ZC3H11A: variants seen among roughly 807,000 people sequenced by gnomAD.
The protein encoded by ZC3H11A is zinc finger CCCH-type containing 11A.
A neutral mutation model predicts 90.8 loss-of-function variants in ZC3H11A; 22 were observed. The ratio of observed to expected loss-of-function variants is 0.24; its 90% confidence interval spans 0.17 to 0.35. The LOEUF (loss-of-function observed/expected upper bound fraction) is 0.35. ZC3H11A is among the 10% of genes least tolerant of loss of function. ZC3H11A has a pLI of 1.00. For synonymous variants in ZC3H11A, 294 were observed against 339.8 expected, an observed-to-expected ratio of 0.87 and a Z score of 1.48; for missense variants, 701 against 964.9, an observed-to-expected ratio of 0.73 and a Z score of 3.62.
At chr1:203,805,966 G>C in intron 2 of ZC3H11A, 1 of 608,422 alleles carries the variant, frequency 1.6e-6, no homozygotes, top group South Asian at 1.4e-5. Context: ...CGTGGTCTTG[G>C]TATCCTTCAA....
chr1:203,850,380 G>A (rs758997215), intron 15 of ZC3H11A, 135 bp from the exon 16 acceptor site: 158 of 1,369,594 alleles, frequency 1.2e-4, no homozygotes, highest in East Asian at 2.1e-4. Flanking sequence ...CCTTTGAATC[G>A]TTTTCAGTCT....
intron 4 of ZC3H11A, among the ~76,000 whole-genome samples, chr1:203,819,491 G>C (rs1677673545): frequency 6.6e-6 from 1 of 150,490 alleles, no homozygotes; most frequent in Non-Finnish European, 1.5e-5. Context: ...GAAAGTGCTG[G>C]GATTACATGC....
chr1:203,846,946 A>C (rs780564579), intron 12 of ZC3H11A, among the ~76,000 whole-genome samples: 1 of 151,972 alleles, frequency 6.6e-6, no homozygotes, highest in Admixed American at 6.6e-5. Flanking sequence ...CAGAGGTTGC[A>C]GTGAGCTGAG....
rs759681132 is a variant in ZC3H11A at position 203,847,384 on chromosome 1, C to A, written c.1243C>A (p.His415Asn). The stretch of plus-strand genomic sequence containing the variant: ...CTCTGAGGTCCTGGCTGAAAAAAAA[C>A]ATCGGCAGCAGGAAGCAGAGAGACA... The part of the protein sequence containing the change: ...TFSEVLAEKK[H>N]RQQEAERQKS... Residue 415 changes from histidine (H) to asparagine (N), a missense_variant, in exon 13 of 18, where the codon CAT (histidine) becomes AAT (asparagine). His to Asn is a moderately conservative substitution (Grantham distance 68, BLOSUM62 1). Around this residue, in one of 4 missense-constraint regions of ZC3H11A, gnomAD observed 530 missense variants for 696.2 expected, o/e 0.76. Transcript: ENST00000367210. The A allele has an allele frequency of 7.4e-6, 12 of 1,613,860 alleles. No individual in the cohort carries two copies. In the South Asian group the frequency reaches 1.3e-4, roughly 18 times the overall value.
At chr1:203,797,544 G>A in intron 1 of ZC3H11A, 4 of 1,524,790 alleles carry the variant, frequency 2.6e-6, no homozygotes, top group Non-Finnish European at 2.6e-6. Context: ...TACTCTAAGT[G>A]TACCAGTTTC....
intron 4 of ZC3H11A, among the ~76,000 whole-genome samples, chr1:203,822,559 C>T (rs1679138979): frequency 6.6e-6 from 1 of 152,098 alleles, no homozygotes. Flanking sequence ...ACCAGGTTCC[C>T]TTGGGAATAC....
intron 2 of ZC3H11A, among the ~76,000 whole-genome samples, chr1:203,810,076 G>T (rs577232557): frequency 5.0e-4 from 75 of 149,236 alleles, no homozygotes; most frequent in African/African-American, 1.6e-3. Flanking sequence ...TTTTGCATGG[G>T]ATAGTATTGA....
intron 2 of ZC3H11A, among the ~76,000 whole-genome samples, chr1:203,815,379 C>CTTTT (rs397711285): frequency 2.1e-5 from 2 of 96,906 alleles, no homozygotes; most frequent in African/African-American, 8.3e-5. Context: ...CCACACCCAG[C>CTTTT]TTTTTTTTTT....
intron 12 of ZC3H11A, 74 bp downstream of exon 12, chr1:203,840,448 A>G: frequency 6.9e-7 from 1 of 1,445,230 alleles, no homozygotes; most frequent in Admixed American, 2.1e-5. Flanking sequence ...TCTCAGATTT[A>G]CCTGTTGCTT....
At position 203,805,646 on chromosome 1, in the gene ZC3H11A, A is replaced by G. The variant is rs11810904; in HGVS notation, c.-146+2630A>G. The G allele has an allele frequency of 5.9e-4, 414 of 703,290 alleles. 3 individuals carry two copies. In the African/African-American group the frequency reaches 6.3e-3, roughly 11 times the overall value. 43.6% of individuals were successfully genotyped at this position (703,290 alleles called of 1,614,324 possible). A position where few individuals can be genotyped will look rare whatever the true frequency, so the allele number is the denominator to read the frequency against. ...TGAAGCAGGGATCTGTGGCAATCCA[A>G]ATTCATCCACCAGAACTCCATCCTT... On this transcript the variant is annotated intron_variant, in intron 2 of 17. Transcript: ENST00000367210.
At chr1:203,803,421 C>A (rs774312658) in intron 2 of ZC3H11A, among the ~76,000 whole-genome samples, 1 of 152,098 alleles carries the variant, frequency 6.6e-6, no homozygotes, top group Non-Finnish European at 1.5e-5. Context: ...GAATTCCTGA[C>A]CTCAGGTGAT....
chr1:203,819,184 A>T (rs556928750), intron 4 of ZC3H11A, among the ~76,000 whole-genome samples: 210 of 151,292 alleles, frequency 1.4e-3, no homozygotes, highest in African/African-American at 4.9e-3. Context: ...GTGTATATAT[A>T]TACACAACTT....
chr1:203,813,658 GA>G (rs1360378689), intron 2 of ZC3H11A, among the ~76,000 whole-genome samples: 1 of 152,132 alleles, frequency 6.6e-6, no homozygotes, highest in Non-Finnish European at 1.5e-5. Context: ...TTCTGAAGGT[GA>G]GATGTCTAAA....
chr1:203,801,540 T>C (rs1670559452), intron 1 of ZC3H11A, 35 bp from the exon 2 acceptor site: 1 of 152,634 alleles, frequency 6.6e-6, no homozygotes, highest in Non-Finnish European at 1.5e-5. Flanking sequence ...GAATAACTAA[T>C]GTGAGATCCC....
rs1245220207 is a variant in ZC3H11A, at chr1:203,840,165, C to T, written c.974-141C>T. On this transcript the variant is annotated intron_variant, in intron 11 of 17. Coordinates refer to ENST00000367210, the MANE Select transcript of ZC3H11A (RefSeq NM_001376342.1). ...TGTTGGCCAGGCTGGCCTTGAAGTC[C>T]TGACCTCAAGTGATCAGCCTGCCTT... is the stretch of plus-strand genomic sequence containing the variant. The T allele has an allele frequency of 2.0e-5, 15 of 739,416 alleles. No individual in the cohort carries two copies. In the African/African-American group the frequency reaches 2.4e-4, roughly 12 times the overall value. The allele number at this position is 739,416 out of a possible 1,614,324, so 45.8% of individuals were successfully genotyped here.
chr1:203,832,996 G>A (rs1057281847), intron 9 of ZC3H11A, among the ~76,000 whole-genome samples: 10 of 152,180 alleles, frequency 6.6e-5, no homozygotes, highest in Non-Finnish European at 1.0e-4. Flanking sequence ...CACTTTGGGA[G>A]GCTGAGGCGG....
At chr1:203,806,308 C>CTTT in intron 2 of ZC3H11A, 1 of 211,982 alleles carries the variant, frequency 4.7e-6, no homozygotes, top group South Asian at 5.7e-5. Context: ...TTTCTTTTTC[C>CTTT]TTTTTTTTTT....
intron 2 of ZC3H11A, among the ~76,000 whole-genome samples, chr1:203,812,604 C>T (rs184981638): frequency 1.0e-4 from 10 of 99,810 alleles, no homozygotes; most frequent in African/African-American, 2.7e-4. Context: ...TTTTTTGAGA[C>T]GGAGTCTCAC....
chr1:203,806,727 A>G (rs572797006), intron 2 of ZC3H11A, among the ~76,000 whole-genome samples: 3 of 151,738 alleles, frequency 2.0e-5, no homozygotes, highest in African/African-American at 7.3e-5. Flanking sequence ...GTGTTTTACC[A>G]TATTGCATAT....
Sources: allele counts gnomAD v4.1 joint callset (sites outside exome capture counted in the v4.1 genomes callset), GRCh38; gene constraint gnomAD v4.1.1; regional missense constraint gnomAD v4.1.1; transcripts MANE v1.5; gene names NCBI Gene and HGNC (gene_info 2026-07-23, HGNC 2026-07-21).